Variants in HIVEP2 observed in about 807,000 individuals in gnomAD.
HIVEP2 encodes the protein transcription factor HIVEP2.
Under a neutral mutation model 180.7 loss-of-function variants are expected in HIVEP2, and 14 were observed. The observed-to-expected ratio is 0.08, with a 90% confidence interval of 0.05 to 0.12. HIVEP2 has a LOEUF of 0.12. Ranked by LOEUF, HIVEP2 falls within the 10% of genes least tolerant of loss-of-function variation. The pLI, the probability that HIVEP2 is intolerant of heterozygous loss-of-function variation, is 1.00. For missense variants in HIVEP2, 2,579 were observed against 3,008.5 expected, an observed-to-expected ratio of 0.86 and a Z score of 3.34; for synonymous variants, 1,184 against 1,136.4, an observed-to-expected ratio of 1.04 and a Z score of -0.84.
intron 1 of HIVEP2, among the ~76,000 whole-genome samples, chr6:142,852,443 T>C (rs769372544): frequency 2.0e-5 from 3 of 152,098 alleles, no homozygotes; most frequent in Non-Finnish European, 2.9e-5. Flanking sequence ...ACACTGAAAA[T>C]AGATTGTTAC....
At position 142,759,973 on chromosome 6, in the gene HIVEP2, A is replaced by G. The variant is rs1775182292; in HGVS notation, c.6315T>C (p.Val2105=). ...ALRREMSQRD[V]SPRRHLSPRR... is the part of the protein sequence containing the mutation. ...TTGGAGACAAATGCCTTCTTGGTGA[A>G]ACATCTCTTTGGGACATCTCTCTTC... The change falls in exon 9 of 10, where the codon GTT becomes GTC. Residue 2105 remains valine (V), a synonymous_variant. Coordinates refer to ENST00000367603, the MANE Select transcript of HIVEP2 (RefSeq NM_006734.4). The G allele has an allele frequency of 6.2e-7, 1 of 1,613,734 alleles. No individual in the cohort carries two copies.
At chr6:142,892,826 C>A in intron 1 of HIVEP2, among the ~76,000 whole-genome samples, 1 of 152,164 alleles carries the variant, frequency 6.6e-6, no homozygotes, top group Non-Finnish European at 1.5e-5. Flanking sequence ...GTCAAGATTA[C>A]AGATGGAAAT....
rs908255228 is a variant in HIVEP2, at chr6:142,770,598, T to G, written c.4141A>C (p.Asn1381His). ...ENMTQRTLVTNAAMQGIGFNI... is the reference protein window; with the variant it reads ...ENMTQRTLVTHAAMQGIGFNI... ...AATCCTATCCCTTGCATGGCTGCGT[T>G]GGTGACCAGTGTCCTTTGGGTCATA... Residue 1381 changes from asparagine to histidine, a missense_variant, in exon 5 of 10, where the codon AAC (asparagine) becomes CAC (histidine). This residue lies in a region of HIVEP2 where 523 missense variants were observed against 577.0 expected (regional missense o/e 0.91). Coordinates refer to ENST00000367603, the MANE Select transcript of HIVEP2 (RefSeq NM_006734.4). This position sits in a 1 kb window ranked among gnomAD's most constrained non-coding sequence, Gnocchi z 4.7. 1 of 1,614,222 alleles carries G rather than the reference T, an allele frequency of 6.2e-7. No individual in the cohort carries two copies. The highest frequency in any genetic ancestry group is 8.5e-7 in the Non-Finnish European group (1 of 1,180,032).
chr6:142,757,026 G>T (rs1057250145), intron 9 of HIVEP2, among the ~76,000 whole-genome samples: 2 of 152,156 alleles, frequency 1.3e-5, no homozygotes, highest in African/African-American at 4.8e-5. Flanking sequence ...ATGTGTATAT[G>T]TGTGCATACA....
At chr6:142,817,136 G>A (rs146615202) in intron 2 of HIVEP2, among the ~76,000 whole-genome samples, 1 of 152,282 alleles carries the variant, frequency 6.6e-6, no homozygotes, top group East Asian at 1.9e-4. Flanking sequence ...TAAGGTTGGA[G>A]GGCCCAAATT....
At chr6:142,791,171 C>T (rs1454491821) in intron 2 of HIVEP2, among the ~76,000 whole-genome samples, 2 of 152,142 alleles carry the variant, frequency 1.3e-5, no homozygotes, top group Admixed American at 6.6e-5. Flanking sequence ...CTCACACTGT[C>T]CCAGGTTCTA....
At chr6:142,889,623 G>T (rs1776804769) in intron 1 of HIVEP2, among the ~76,000 whole-genome samples, 1 of 152,120 alleles carries the variant, frequency 6.6e-6, no homozygotes, top group African/African-American at 2.4e-5. Flanking sequence ...CTGAACCTTA[G>T]GTTCCCAAGA....
Position 142,772,723 on chromosome 6 carries a change from T to A in HIVEP2, c.2016A>T (p.Glu672Asp). Reference sequence around the variant, plus strand: ...ATGGCACCACGGGATCCATGAAATATTCTCCACCATGCTTTAAAGAACTCA... The same window carrying A: ...ATGGCACCACGGGATCCATGAAATAATCTCCACCATGCTTTAAAGAACTCA... Reference protein sequence around the residue: ...SCLSSLKHGGEYFMDPVVPLQ... With the variant: ...SCLSSLKHGGDYFMDPVVPLQ... Residue 672 changes from glutamate to aspartate, a missense_variant, in exon 5 of 10, where the codon GAA (glutamate) becomes GAT (aspartate). Glu to Asp is a conservative substitution (Grantham distance 45). Around this residue, in one of 11 missense-constraint regions of HIVEP2, gnomAD observed 524 missense variants for 563.6 expected, o/e 0.93. Coordinates refer to ENST00000367603, the MANE Select transcript of HIVEP2 (RefSeq NM_006734.4). The surrounding 1 kb of genome is among the most constrained non-coding windows in gnomAD (Gnocchi z 4.9). 6.2e-7 allele frequency: 1 copy of A among 1,614,224 alleles called. No individual in the cohort carries two copies. The highest frequency in any genetic ancestry group is 8.5e-7 in the Non-Finnish European group (1 of 1,180,042).
At chr6:142,944,040 C>T (rs963879474) in intron 1 of HIVEP2, among the ~76,000 whole-genome samples, 3 of 152,210 alleles carry the variant, frequency 2.0e-5, no homozygotes, top group African/African-American at 7.2e-5. Flanking sequence ...CAAGCTTTCC[C>T]GTTAGGGAAG....
chr6:142,787,924 CCA>C (rs983049678), intron 2 of HIVEP2, among the ~76,000 whole-genome samples: 2 of 152,058 alleles, frequency 1.3e-5, no homozygotes, highest in African/African-American at 4.8e-5. Context: ...GGAAGGATTC[CCA>C]CAGAGTTTTC....
In HIVEP2 at chr6:142,772,933, C is replaced by G. The variant is rs757088239; in HGVS notation, c.1806G>C (p.Gln602His). ...GGTGCTCGACTTCCACGTGGCCCTC[C>G]TGTACCGAAGGCAGCTCAAATGCCG... ...RQAAFELPSV[Q>H]EGHVEVEHHG... Residue 602 changes from glutamine (Q) to histidine (H), a missense_variant, in exon 5 of 10, where the codon CAG becomes CAC. Coordinates refer to ENST00000367603, the MANE Select transcript of HIVEP2 (RefSeq NM_006734.4). The surrounding 1 kb of genome is among the most constrained non-coding windows in gnomAD (Gnocchi z 4.9). 1.2e-6 allele frequency: 2 copies of G among 1,614,166 alleles called. No homozygotes were observed. Among genetic ancestry groups the G allele is most frequent in the East Asian group, 4.5e-5 (2 of 44,892 alleles).
At chr6:142,882,218 A>G (rs1400091796) in intron 1 of HIVEP2, among the ~76,000 whole-genome samples, 1 of 152,240 alleles carries the variant, frequency 6.6e-6, no homozygotes, top group Non-Finnish European at 1.5e-5. Flanking sequence ...AGGTGACTAC[A>G]GTGAAGTATG....
chr6:142,770,029 A>G lies in HIVEP2; in HGVS notation c.4710T>C (p.Asp1570=), dbSNP rs1326943347. 7 of 1,613,956 alleles carry G rather than the reference A, an allele frequency of 4.3e-6. No individual in the cohort carries two copies. The highest frequency in any genetic ancestry group is 5.9e-6 in the Non-Finnish European group (7 of 1,180,038). The part of the protein sequence containing the change: ...SESKESSDEL[D]IDETASDMSM... ...TCATGTCCGATGCCGTCTCATCGAT[A>G]TCTAATTCATCTGAAGATTCTTTGC... Residue 1570 remains aspartate, a synonymous_variant, in exon 5 of 10, where the codon GAT becomes GAC. Coordinates refer to ENST00000367603, the MANE Select transcript of HIVEP2 (RefSeq NM_006734.4). The surrounding 1 kb of genome is among the most constrained non-coding windows in gnomAD (Gnocchi z 4.7).
At chr6:142,924,299 T>G (rs1777749992) in intron 1 of HIVEP2, among the ~76,000 whole-genome samples, 1 of 152,198 alleles carries the variant, frequency 6.6e-6, no homozygotes, top group African/African-American at 2.4e-5. Flanking sequence ...ATATGAGAGA[T>G]AGCAGTATCA....
chr6:142,863,631 A>C (rs1355581366), intron 1 of HIVEP2, among the ~76,000 whole-genome samples: 1 of 152,222 alleles, frequency 6.6e-6, no homozygotes, highest in African/African-American at 2.4e-5. Context: ...TTTAGAGAAG[A>C]GGTCAAATTC....
intron 1 of HIVEP2, among the ~76,000 whole-genome samples, chr6:142,911,281 A>G (rs1483763891): frequency 1.3e-5 from 2 of 152,230 alleles, no homozygotes; most frequent in East Asian, 1.9e-4. Context: ...GAAGAATTCT[A>G]AAACAAGTTT....
At chr6:142,914,335 CA>C (rs1205719807) in intron 1 of HIVEP2, among the ~76,000 whole-genome samples, 4 of 152,106 alleles carry the variant, frequency 2.6e-5, no homozygotes, top group African/African-American at 7.2e-5. Context: ...AGAGGTACAT[CA>C]AATGCCATCT....
chr6:142,792,902 G>C (rs1473629123), intron 2 of HIVEP2, among the ~76,000 whole-genome samples: 1 of 152,074 alleles, frequency 6.6e-6, no homozygotes, highest in Non-Finnish European at 1.5e-5. Flanking sequence ...TAACTTTTCA[G>C]ATAGAAAAGA....
chr6:142,852,861 G>A (rs185588), intron 1 of HIVEP2, among the ~76,000 whole-genome samples: 25,174 of 152,104 alleles, frequency 0.17, 4,110 homozygotes, highest in African/African-American at 0.43. Flanking sequence ...CTTCTGTGTT[G>A]TATCTTTCCT....
Sources: allele counts gnomAD v4.1 joint callset (sites outside exome capture counted in the v4.1 genomes callset), GRCh38; gene constraint gnomAD v4.1.1; regional missense constraint gnomAD v4.1.1; non-coding constraint Gnocchi (gnomAD v3.1); transcripts MANE v1.5; gene names NCBI Gene and HGNC (gene_info 2026-07-23, HGNC 2026-07-21).